IDO1: variants seen among roughly 807,000 people sequenced by gnomAD.
IDO1 encodes indolamine 2,3 dioxygenase.
IDO1 carries 35 observed loss-of-function variants against 38.8 expected under a neutral mutation model. The observed-to-expected ratio is 0.90, with a 90% CI of 0.69 to 1.20. IDO1 has a LOEUF of 1.20. IDO1 is among the 50% of genes most tolerant of loss of function. IDO1 has a pLI of 0.00. For missense variants in IDO1, 509 were observed against 485.1 expected (o/e 1.05, Z -0.46); for synonymous variants, 171 against 170.0 (o/e 1.01, Z -0.05).
intron 6 of IDO1, 137 bp downstream of exon 6, chr8:39,922,788 A>G (rs1807294789): frequency 1.1e-5 from 7 of 658,610 alleles, no homozygotes; most frequent in Non-Finnish European, 1.9e-5. Context: ...TTGGGGGTAA[A>G]GGATCAATTA....
At chr8:39,916,373 G>A (rs944373402) in intron 1 of IDO1, among the ~76,000 whole-genome samples, 24 of 151,668 alleles carry the variant, frequency 1.6e-4, no homozygotes, top group African/African-American at 5.6e-4. Context: ...AGCTACTTGA[G>A]AGGCTAAGAC....
chr8:39,928,164 A>T lies in IDO1; in HGVS notation c.1191A>T (p.Lys397Asn), dbSNP rs576594773. 4 of 1,610,874 alleles carry T rather than the reference A, an allele frequency of 2.5e-6. No homozygotes were observed. In the Admixed American group the frequency reaches 6.7e-5, roughly 27 times the overall value. The change falls in exon 10 of 10, where the codon AAA (lysine) becomes AAT (asparagine). Residue 397 changes from lysine to asparagine, a missense_variant. Physicochemically the swap from Lys to Asn is moderately conservative, Grantham distance 94. Coordinates refer to ENST00000518237, the MANE Select transcript of IDO1 (RefSeq NM_002164.6). ...FLKTVRSTTEKSLLKEG is the reference protein window; with the variant it reads ...FLKTVRSTTENSLLKEG ...AGACTGTAAGAAGTACAACTGAGAA[A>T]TCCCTTTTGAAGGAAGGTTAATGTA...
chr8:39,926,003 C>T (rs1214848988), intron 9 of IDO1, among the ~76,000 whole-genome samples: 2 of 151,182 alleles, frequency 1.3e-5, no homozygotes, highest in Admixed American at 1.3e-4. Flanking sequence ...CTGGCTAACA[C>T]GGTGAAACCC....
rs1369218450 is a variant in IDO1 at position 39,928,741 on chromosome 8, A to T, written c.*556A>T. 6.6e-6 allele frequency among the ~76,000 whole-genome samples: 1 copy of T among 152,090 alleles called. No homozygotes were observed. Among genetic ancestry groups the T allele is most frequent in the Non-Finnish European group, 1.5e-5 (1 of 68,004 alleles). ...GAGCGGGACTCCGTCTCAAAAAAAA[A>T]AAAAAAAAGATATATTCTGTCATAA... On this transcript the variant is annotated 3_prime_UTR_variant, in exon 10 of 10. Transcript: ENST00000518237.
rs771341456 is a variant in IDO1 at position 39,917,971 on chromosome 8, G to T, written c.183+1G>T. 5.0e-6 allele frequency: 8 copies of T among 1,612,030 alleles called. No individual in the cohort carries two copies. The South Asian group carries it at 5.5e-5, about 11-fold the overall frequency. On this transcript the variant is annotated splice_donor_variant, in intron 2 of 9. Transcript: ENST00000518237. LOFTEE classifies it high-confidence loss of function. Reference sequence around the variant, plus strand: ...CCAGCTTCGAGAAAGAGTTGAGAAGGTTTGACATATGTATTACATTTGTCT... The same window carrying T: ...CCAGCTTCGAGAAAGAGTTGAGAAGTTTTGACATATGTATTACATTTGTCT...
intron 1 of IDO1, among the ~76,000 whole-genome samples, chr8:39,915,893 G>A (rs779420641): frequency 6.6e-6 from 1 of 152,000 alleles, no homozygotes; most frequent in Non-Finnish European, 1.5e-5. Flanking sequence ...GGCTGGGGAC[G>A]GGTGGCTCAC....
intron 9 of IDO1, among the ~76,000 whole-genome samples, chr8:39,926,620 A>T (rs1169392558): frequency 6.6e-6 from 1 of 152,232 alleles, no homozygotes; most frequent in Non-Finnish European, 1.5e-5. Context: ...AGGGGAAAGC[A>T]TCGGGCTGGG....
At chr8:39,925,976 AGGAGATC>A (rs1807353318) in intron 9 of IDO1, among the ~76,000 whole-genome samples, 1 of 152,034 alleles carries the variant, frequency 6.6e-6, no homozygotes, top group African/African-American at 2.4e-5. Flanking sequence ...TCACAAGATC[AGGAGATC>A]GAGACCATCC....
chr8:39,916,894 A>G (rs191310457), intron 1 of IDO1, among the ~76,000 whole-genome samples: 113 of 152,354 alleles, frequency 7.4e-4, no homozygotes, highest in Non-Finnish European at 8.8e-5. Flanking sequence ...GGAGAAAATC[A>G]CAACAACCAA....
chr8:39,922,705 T>A (rs992691762), intron 6 of IDO1, 54 bp downstream of exon 6: 6 of 1,183,458 alleles, frequency 5.1e-6, no homozygotes, highest in Admixed American at 3.4e-5. Flanking sequence ...AGCAGAGCAA[T>A]CACTTCGGAG....
intron 7 of IDO1, chr8:39,923,976 G>C (rs554883231): frequency 6.5e-6 from 1 of 152,950 alleles, no homozygotes; most frequent in East Asian, 1.9e-4. Flanking sequence ...TCCTAATTCT[G>C]TTTTTTTACA....
intron 7 of IDO1, chr8:39,923,906 T>C (rs1167069614): frequency 5.7e-6 from 1 of 176,118 alleles, no homozygotes; most frequent in African/African-American, 2.4e-5. Context: ...ACTTTCCACA[T>C]GGGAGGGTGG....
rs899756839 is a variant in IDO1, at chr8:39,928,397, A to C, written c.*212A>C. ...CTAGAAGTTTTGTAATCTGTATCTT[A>C]TCATTGGAATAAAATGACATTCAAT... On this transcript the variant is annotated 3_prime_UTR_variant, in exon 10 of 10. Coordinates refer to ENST00000518237, the MANE Select transcript of IDO1 (RefSeq NM_002164.6). The C allele has an allele frequency of 2.1e-6, 1 of 474,308 alleles. No homozygotes were observed. The highest frequency in any genetic ancestry group is 3.7e-6 in the Non-Finnish European group (1 of 268,552). 29.4% of individuals were successfully genotyped at this position (474,308 alleles called of 1,614,324 possible).
intron 1 of IDO1, among the ~76,000 whole-genome samples, chr8:39,917,042 T>A (rs1807184754): frequency 1.3e-5 from 2 of 152,328 alleles, no homozygotes; most frequent in African/African-American, 4.8e-5. Context: ...AAGCCTGGGT[T>A]TCCTTATTTA....
intron 7 of IDO1, among the ~76,000 whole-genome samples, chr8:39,924,291 C>T (rs1241857846): frequency 6.6e-6 from 1 of 151,986 alleles, no homozygotes; most frequent in Non-Finnish European, 1.5e-5. Context: ...TGCTTGAGCC[C>T]AGGAGTTGGG....
intron 1 of IDO1, 112 bp from the exon 2 acceptor site, chr8:39,917,763 A>G: frequency 1.5e-6 from 1 of 688,560 alleles, no homozygotes; most frequent in Non-Finnish European, 2.5e-6. Flanking sequence ...GGTAAGCCAT[A>G]TGCCAGGGCA....
Position 39,918,203 on chromosome 8 carries a change from G to T in IDO1, c.299G>T (p.Arg100Leu). ...TGGGGCAAAGGTCATGGAGATGTCCGTAAGGTTTGGAGATTTTCTCAGATT... is the reference window on the plus strand; with the variant it reads ...TGGGGCAAAGGTCATGGAGATGTCCTTAAGGTTTGGAGATTTTCTCAGATT... ...YVWGKGHGDV[R>L]KVLPRNIAVP... Residue 100 changes from arginine (R) to leucine (L), a missense_variant, in exon 3 of 10, where the codon CGT (arginine) becomes CTT (leucine). By Grantham distance (102) the Arg-to-Leu change is moderately radical. Coordinates refer to ENST00000518237, the MANE Select transcript of IDO1 (RefSeq NM_002164.6). The T allele has an allele frequency of 6.2e-7, 1 of 1,607,104 alleles. No homozygotes were observed. Among genetic ancestry groups the T allele is most frequent in the Non-Finnish European group, 8.5e-7 (1 of 1,174,766 alleles).
chr8:39,920,067 AT>A, intron 4 of IDO1, 32 bp from the exon 5 acceptor site: 2 of 1,603,054 alleles, frequency 1.2e-6, no homozygotes, highest in Non-Finnish European at 1.7e-6. Flanking sequence ...CTCTCTTCCA[AT>A]TGGTCCATTG....
At chr8:39,923,705 T>TTTTATC (rs991621213) in intron 7 of IDO1, 119 bp downstream of exon 7, 20 of 592,048 alleles carry the variant, frequency 3.4e-5, no homozygotes, top group Admixed American at 3.1e-4. Flanking sequence ...ACTTTAGGTA[T>TTTTATC]TTTATCTTAC....
Sources: gnomAD v4.1 joint callset for allele counts (sites outside exome capture counted in the v4.1 genomes callset) on GRCh38, gnomAD v4.1.1 for gene constraint, MANE v1.5 for transcripts, NCBI Gene and HGNC (gene_info 2026-07-23, HGNC 2026-07-21) for gene names.